The following PAX2 variants were observed in gnomAD, a reference collection of about 807,000 sequenced individuals.
The protein encoded by PAX2 is paired box protein Pax-2.
PAX2 carries 9 observed loss-of-function variants against 41.7 expected under a neutral mutation model. The observed-to-expected ratio is 0.22, with a 90% CI of 0.13 to 0.38. The LOEUF (loss-of-function observed/expected upper bound fraction) is 0.38. PAX2 is among the 10% of genes least tolerant of loss of function. The probability of loss-of-function intolerance (pLI) is 1.00; values close to 1 mark genes in which losing one functional copy is unlikely to be tolerated. For synonymous variants in PAX2, 221 were observed against 212.7 expected (o/e 1.04, Z -0.34); for missense variants, 418 against 531.6 (o/e 0.79, Z 2.10).
At chr10:100,796,338 A>G (rs1847336906) in intron 5 of PAX2, among the ~76,000 whole-genome samples, 1 of 152,176 alleles carries the variant, frequency 6.6e-6, no homozygotes, top group Non-Finnish European at 1.5e-5. Flanking sequence ...TTCACCTAAC[A>G]TTACTTAATA....
At chr10:100,816,381 C>T (rs1427205579) in intron 7 of PAX2, among the ~76,000 whole-genome samples, 2 of 152,202 alleles carry the variant, frequency 1.3e-5, no homozygotes, top group Non-Finnish European at 2.9e-5. Flanking sequence ...AGAGATCTCC[C>T]AGCACTAAGC....
chr10:100,772,209 G>A (rs1027902789), intron 3 of PAX2, among the ~76,000 whole-genome samples: 75 of 152,228 alleles, frequency 4.9e-4, no homozygotes, highest in Middle Eastern at 3.4e-3. Context: ...AACCTCCACC[G>A]ACTCCAGTCG....
At chr10:100,759,063 G>C (rs796089124) in intron 3 of PAX2, among the ~76,000 whole-genome samples, 3 of 152,148 alleles carry the variant, frequency 2.0e-5, no homozygotes, top group African/African-American at 7.2e-5. Flanking sequence ...GGTTGTTCGG[G>C]ATTGGAGCAC....
intron 5 of PAX2, among the ~76,000 whole-genome samples, chr10:100,799,791 T>C (rs1847478873): frequency 9.3e-5 from 3 of 32,160 alleles, no homozygotes; most frequent in Non-Finnish European, 1.6e-4. Context: ...GTGTAATTCT[T>C]TTTTTTTTTT....
Position 100,824,758 on chromosome 10 carries a change from CA to C in PAX2, c.1021+11del. 8.2e-6 allele frequency: 13 copies of C among 1,583,694 alleles called. No individual in the cohort carries two copies. The highest frequency in any genetic ancestry group is 1.1e-5 in the Non-Finnish European group (13 of 1,152,420). ...GGCAGGAATGGTGCCTGGTAGGTGA[CA>C]ATGCTGCAGCTGCCTAATCTAGGTG... is the stretch of plus-strand genomic sequence containing the variant. On this transcript the variant is annotated intron_variant, in intron 8 of 9. Transcript: ENST00000355243. This position sits in a 1 kb window ranked among gnomAD's most constrained non-coding sequence, Gnocchi z 6.6.
At chr10:100,739,446 C>A (rs889185242) in intron 1 of PAX2, among the ~76,000 whole-genome samples, 5 of 152,328 alleles carry the variant, frequency 3.3e-5, no homozygotes, top group African/African-American at 4.8e-5. Context: ...GAAAGGCGGG[C>A]GCGCCGCGGA....
intron 3 of PAX2, among the ~76,000 whole-genome samples, chr10:100,774,978 G>A (rs923877198): frequency 3.3e-5 from 5 of 152,236 alleles, no homozygotes; most frequent in Admixed American, 6.5e-5. Context: ...AGCTCTCATC[G>A]GAAATGGTGG....
chr10:100,754,743 C>G (rs544592243), intron 3 of PAX2, among the ~76,000 whole-genome samples: 1 of 152,180 alleles, frequency 6.6e-6, no homozygotes. Flanking sequence ...AGATATGTTC[C>G]GGGCTAGGGT....
rs1051891486 is a variant in PAX2, at chr10:100,746,221, G to A, written c.-40G>A. ...TGAAGTTGAGTTTGAGAGGCGACAC[G>A]GCGGCGGCGGCCGCGCTGCTCCCGC... On this transcript the variant is annotated 5_prime_UTR_variant, in exon 1 of 10. Coordinates refer to ENST00000355243, the MANE Select transcript of PAX2 (RefSeq NM_000278.5). The A allele has an allele frequency of 1.2e-6, 2 of 1,600,528 alleles. No individual in the cohort carries two copies. The highest frequency in any genetic ancestry group is 4.5e-5 in the East Asian group (2 of 44,228).
At chr10:100,756,222 A>C (rs1299557195) in intron 3 of PAX2, among the ~76,000 whole-genome samples, 3 of 152,116 alleles carry the variant, frequency 2.0e-5, no homozygotes, top group Non-Finnish European at 4.4e-5. Flanking sequence ...ATGAGCCCAC[A>C]TGGGATAGGG....
upstream of PAX2, among the ~76,000 whole-genome samples, chr10:100,744,522 C>A (rs1845077553): frequency 6.6e-6 from 1 of 152,254 alleles, no homozygotes; most frequent in South Asian, 2.1e-4. Context: ...GAGGCTCCGG[C>A]AGGAGTGGGG....
At chr10:100,749,503 C>A in intron 1 of PAX2, 1 of 1,338,140 alleles carries the variant, frequency 7.5e-7, no homozygotes. Flanking sequence ...CCTTTGCTTT[C>A]TACCTTGCGT....
intron 8 of PAX2, among the ~76,000 whole-genome samples, chr10:100,825,918 G>C (rs1329376251): frequency 2.0e-5 from 3 of 151,938 alleles, no homozygotes; most frequent in African/African-American, 7.3e-5. Flanking sequence ...GAGCAGGTGG[G>C]GGCTGGAGGA....
Position 100,781,319 on chromosome 10 carries a change from C to G in PAX2, c.570C>G (p.Ile190Met). ...DPVGSYSING[I>M]LGIPRSNGEK... ...TGGGATCCTACTCCATCAATGGGAT[C>G]CTGGGGATTCCTCGCTCCAATGGTG... is the stretch of plus-strand genomic sequence containing the variant. Residue 190 changes from isoleucine (I) to methionine (M), a missense_variant, in exon 5 of 10, where the codon ATC becomes ATG. Physicochemically the swap from Ile to Met is conservative, Grantham distance 10. Around this residue, in one of 2 missense-constraint regions of PAX2, gnomAD observed 310 missense variants for 325.2 expected, o/e 0.95. Coordinates refer to ENST00000355243, the MANE Select transcript of PAX2 (RefSeq NM_000278.5). The G allele has an allele frequency of 6.2e-7, 1 of 1,613,966 alleles. No individual in the cohort carries two copies. The highest frequency in any genetic ancestry group is 8.5e-7 in the Non-Finnish European group (1 of 1,179,818).
At position 100,824,850 on chromosome 10, in the gene PAX2, A is replaced by G; in HGVS notation, c.1021+101A>G. The G allele has an allele frequency of 6.5e-7, 1 of 1,537,738 alleles. No individual in the cohort carries two copies. Among genetic ancestry groups the G allele is most frequent in the Non-Finnish European group, 9.0e-7 (1 of 1,110,212 alleles). ...GTCTGAGGCTGGGGTGGGGGGAGAC[A>G]CAACGTCCCCTCCCTGCAAACCACT... On this transcript the variant is annotated intron_variant, in intron 8 of 9. Transcript: ENST00000355243. The surrounding 1 kb of genome is among the most constrained non-coding windows in gnomAD (Gnocchi z 6.6).
chr10:100,806,469 G>A lies in PAX2; in HGVS notation c.656G>A (p.Ser219Asn), dbSNP rs200491094. Residue 219 changes from serine to asparagine, a missense_variant, in exon 6 of 10, where the codon AGT (serine) becomes AAT (asparagine). Around this residue, in one of 2 missense-constraint regions of PAX2, gnomAD observed 310 missense variants for 325.2 expected, o/e 0.95. Coordinates refer to ENST00000355243, the MANE Select transcript of PAX2 (RefSeq NM_000278.5). ...EGSVPNGDSQ[S>N]GVDSLRKHLR... Reference sequence around the variant, plus strand: ...TCAGTCCCCAATGGAGATTCCCAGAGTGGTGTGGACAGTTTGCGGAAGCAC... The same window carrying A: ...TCAGTCCCCAATGGAGATTCCCAGAATGGTGTGGACAGTTTGCGGAAGCAC... 39 of 1,614,228 alleles carry A rather than the reference G, an allele frequency of 2.4e-5. No homozygotes were observed. The East Asian group carries it at 6.5e-4, about 27-fold the overall frequency.
chr10:100,796,486 AC>A (rs1376503357), intron 5 of PAX2, among the ~76,000 whole-genome samples: 3 of 152,194 alleles, frequency 2.0e-5, no homozygotes, highest in African/African-American at 7.2e-5. Flanking sequence ...GTGTGCAACA[AC>A]AGTGATTTTC....
intron 3 of PAX2, among the ~76,000 whole-genome samples, chr10:100,759,168 G>T (rs575305846): frequency 6.6e-6 from 1 of 152,328 alleles, no homozygotes; most frequent in African/African-American, 2.4e-5. Flanking sequence ...AAGGTCTTGG[G>T]GGTGGTGGGA....
At chr10:100,753,322 C>T (rs543099735) in intron 3 of PAX2, among the ~76,000 whole-genome samples, 1 of 152,308 alleles carries the variant, frequency 6.6e-6, no homozygotes, top group African/African-American at 2.4e-5. Context: ...GAGAAATCCA[C>T]CTGGGGAACC....
Sources: allele counts gnomAD v4.1 joint callset (sites outside exome capture counted in the v4.1 genomes callset), GRCh38; gene constraint gnomAD v4.1.1; regional missense constraint gnomAD v4.1.1; non-coding constraint Gnocchi (gnomAD v3.1); transcripts MANE v1.5; gene names NCBI Gene and HGNC (gene_info 2026-07-23, HGNC 2026-07-21).